The following TTC28 variants were observed in gnomAD, a reference collection of about 807,000 sequenced individuals.
The protein encoded by TTC28 is tetratricopeptide repeat domain 28, also known as tetratricopeptide repeat protein 28.
A neutral mutation model predicts 198.0 loss-of-function variants in TTC28; 61 were observed. The ratio of observed to expected loss-of-function variants is 0.31; its 90% CI spans 0.25 to 0.38. The LOEUF (loss-of-function observed/expected upper bound fraction) is 0.38, where lower values mean the gene tolerates loss of function less well. Among genes scored for constraint, TTC28 ranks in the 10% least tolerant of loss-of-function variants. TTC28 has a pLI of 1.00. For missense variants in TTC28, 2,678 were observed against 3,164.0 expected, an observed-to-expected ratio of 0.85 and a Z score of 3.69; for synonymous variants, 1,171 against 1,297.8, an observed-to-expected ratio of 0.90 and a Z score of 2.10.
chr22:28,307,396 A>T (rs2045167453), intron 2 of TTC28, among the ~76,000 whole-genome samples: 1 of 152,106 alleles, frequency 6.6e-6, no homozygotes, highest in East Asian at 1.9e-4. Context: ...AGAAACTACC[A>T]TTTGTTTTCT....
intron 5 of TTC28, among the ~76,000 whole-genome samples, chr22:28,280,857 G>A (rs1415389617): frequency 1.3e-5 from 2 of 151,952 alleles, no homozygotes; most frequent in African/African-American, 4.8e-5. Flanking sequence ...TATTTCTGCT[G>A]ATTATTGAAT....
intron 5 of TTC28, among the ~76,000 whole-genome samples, chr22:28,194,499 T>G (rs1925198086): frequency 6.6e-6 from 1 of 152,016 alleles, no homozygotes; most frequent in African/African-American, 2.4e-5. Flanking sequence ...CAGGAGCTGG[T>G]TTTTTGAAAA....
intron 6 of TTC28, among the ~76,000 whole-genome samples, chr22:28,131,636 G>A (rs1269591990): frequency 6.6e-6 from 1 of 152,192 alleles, no homozygotes; most frequent in East Asian, 1.9e-4. Flanking sequence ...AAAAATCTAA[G>A]TCAAGTCATC....
At chr22:28,501,500 G>T (rs1019748041) in intron 2 of TTC28, among the ~76,000 whole-genome samples, 3 of 152,124 alleles carry the variant, frequency 2.0e-5, no homozygotes, top group African/African-American at 7.2e-5. Flanking sequence ...TAAAGGTTCT[G>T]GAATGTCATT....
chr22:28,199,409 A>ATT (rs1302724734), intron 5 of TTC28, among the ~76,000 whole-genome samples: 6 of 133,742 alleles, frequency 4.5e-5, no homozygotes, highest in African/African-American at 1.7e-4. Flanking sequence ...ATATATATAT[A>ATT]TATATATATA....
At chr22:27,990,917 C>A in intron 19 of TTC28, 105 bp from the exon 20 acceptor site, 1 of 1,196,056 alleles carries the variant, frequency 8.4e-7, no homozygotes, top group Non-Finnish European at 1.2e-6. Flanking sequence ...GTTTAGGAAG[C>A]GCCACACCAG....
chr22:28,411,272 C>CTG lies in TTC28; in HGVS notation c.382-104630_382-104629insCA, dbSNP rs1224321536. Among the ~76,000 whole-genome samples the CTG allele has an allele frequency of 2.0e-5, 3 of 152,280 alleles. No individual in the cohort carries two copies. The East Asian group carries it at 5.8e-4, about 29-fold the overall frequency. On this transcript the variant is annotated intron_variant, in intron 2 of 22. Coordinates refer to ENST00000397906, the MANE Select transcript of TTC28 (RefSeq NM_001145418.2). ...CAGCTTTCAGAGTGAATAACAGAAA[C>CTG]ACTTGGAGATCCTAGCTATCTGATG...
chr22:28,018,486 G>A (rs1382215403), intron 13 of TTC28, among the ~76,000 whole-genome samples: 1 of 152,234 alleles, frequency 6.6e-6, no homozygotes, highest in Admixed American at 6.5e-5. Flanking sequence ...TCTGTGGCTA[G>A]CCGCCCAGCC....
intron 2 of TTC28, among the ~76,000 whole-genome samples, chr22:28,580,969 TAAGAAA>T (rs961364386): frequency 5.0e-4 from 76 of 152,180 alleles, no homozygotes; most frequent in African/African-American, 1.8e-3. Flanking sequence ...CTCTCTTCCT[TAAGAAA>T]AATATATTTA....
intron 12 of TTC28, among the ~76,000 whole-genome samples, chr22:28,078,967 G>C (rs1941250187): frequency 6.6e-6 from 1 of 152,184 alleles, no homozygotes; most frequent in Admixed American, 6.5e-5. Flanking sequence ...GGAGGTGAAA[G>C]GAGGCCAGGG....
Position 28,679,713 on chromosome 22 carries a change from G to T in TTC28, c.11C>A (p.Ser4Ter). Residue 4 changes from serine (S) to a stop codon, truncating the protein, a stop_gained, in exon 1 of 23, where the codon TCG (serine) becomes TAG (stop). Coordinates refer to ENST00000397906, the MANE Select transcript of TTC28 (RefSeq NM_001145418.2). LOFTEE classifies it high-confidence loss of function. ...GGTCGGCTCGGGCGCCGGCGGCGGC[G>T]ACTGCTCCATCCCCACGGGGCCCGG... MEQ[S>*]PPPAPEPTQG... is the part of the protein sequence containing the mutation. 1.6e-6 allele frequency: 2 copies of T among 1,260,504 alleles called. No individual in the cohort carries two copies. Among genetic ancestry groups the T allele is most frequent in the South Asian group, 5.5e-5 (2 of 36,362 alleles). 78.1% of individuals were successfully genotyped at this position (1,260,504 alleles called of 1,614,324 possible).
chr22:28,519,844 C>G (rs950695906), intron 2 of TTC28, among the ~76,000 whole-genome samples: 5 of 152,198 alleles, frequency 3.3e-5, no homozygotes, highest in African/African-American at 9.7e-5. Context: ...GTGCATTGGG[C>G]AGCAAGCCCC....
intron 2 of TTC28, among the ~76,000 whole-genome samples, chr22:28,316,782 T>C (rs893542221): frequency 1.3e-5 from 2 of 152,204 alleles, no homozygotes; most frequent in African/African-American, 4.8e-5. Flanking sequence ...ATTAATTTTT[T>C]TTGAGACAAG....
intron 2 of TTC28, among the ~76,000 whole-genome samples, chr22:28,563,797 T>C (rs2146001639): frequency 6.6e-6 from 1 of 152,172 alleles, no homozygotes; most frequent in Middle Eastern, 3.4e-3. Flanking sequence ...CATGCCTAGG[T>C]ATATACCCAA....
At chr22:28,116,543 C>T (rs955391445) in intron 6 of TTC28, among the ~76,000 whole-genome samples, 21 of 152,152 alleles carry the variant, frequency 1.4e-4, no homozygotes, top group Non-Finnish European at 2.6e-4. Context: ...CAAGCCCCGC[C>T]ATTAGTCACT....
intron 13 of TTC28, among the ~76,000 whole-genome samples, chr22:28,018,015 C>T (rs1938437449): frequency 6.6e-6 from 1 of 152,222 alleles, no homozygotes; most frequent in Non-Finnish European, 1.5e-5. Flanking sequence ...TCAGCACTTG[C>T]TGGCCTCTGC....
intron 2 of TTC28, among the ~76,000 whole-genome samples, chr22:28,364,308 C>A (rs2046209120): frequency 6.6e-6 from 1 of 152,202 alleles, no homozygotes; most frequent in Non-Finnish European, 1.5e-5. Context: ...ATGTGACTTG[C>A]TCCTCCTTGC....
intron 12 of TTC28, among the ~76,000 whole-genome samples, chr22:28,032,253 A>G (rs1371345624): frequency 3.5e-5 from 3 of 85,522 alleles, no homozygotes; most frequent in African/African-American, 1.7e-4. Flanking sequence ...TATATAAAAT[A>G]TATATATATA....
intron 2 of TTC28, among the ~76,000 whole-genome samples, chr22:28,468,334 C>T (rs1207893544): frequency 1.3e-5 from 2 of 152,040 alleles, no homozygotes; most frequent in African/African-American, 4.8e-5. Context: ...ATCCCAAGAC[C>T]CACAGAATCT....
Sources: gnomAD v4.1 joint callset for allele counts (sites outside exome capture counted in the v4.1 genomes callset) on GRCh38, gnomAD v4.1.1 for gene constraint, MANE v1.5 for transcripts, NCBI Gene and HGNC (gene_info 2026-07-23, HGNC 2026-07-21) for gene names.